The following LIN28B variants were observed in gnomAD, a reference collection of about 807,000 sequenced individuals.
LIN28B encodes lin-28 RNA binding posttranscriptional regulator B, also known as protein lin-28 homolog B.
LIN28B carries 5 observed loss-of-function variants against 21.9 expected under a neutral mutation model. The observed-to-expected ratio is 0.23, with a 90% confidence interval of 0.12 to 0.48. The LOEUF (loss-of-function observed/expected upper bound fraction) is 0.48, where lower values mean the gene tolerates loss of function less well. Ranked by LOEUF, LIN28B falls within the 20% of genes least tolerant of loss-of-function variation. The pLI is 0.98. For synonymous variants in LIN28B, 109 were observed against 111.3 expected (o/e 0.98, Z 0.13); for missense variants, 245 against 310.5 (o/e 0.79, Z 1.58).
At chr6:105,048,869 G>T (rs537319952) in intron 3 of LIN28B, among the ~76,000 whole-genome samples, 92 of 152,076 alleles carry the variant, frequency 6.0e-4, no homozygotes, top group East Asian at 4.4e-3. Flanking sequence ...GATATCCCCT[G>T]TATCATTTTT....
intron 3 of LIN28B, among the ~76,000 whole-genome samples, chr6:105,048,684 C>T (rs984043846): frequency 6.6e-6 from 1 of 152,180 alleles, no homozygotes; most frequent in Non-Finnish European, 1.5e-5. Flanking sequence ...ATTATTGCCT[C>T]AATCTCAGAT....
intron 3 of LIN28B, among the ~76,000 whole-genome samples, chr6:105,047,273 G>A (rs1273937394): frequency 6.6e-6 from 1 of 152,148 alleles, no homozygotes; most frequent in African/African-American, 2.4e-5. Flanking sequence ...ATTAAATAGG[G>A]AATCCTTTCC....
chr6:104,937,938 C>T (rs1285960331), intron 2 of LIN28B, among the ~76,000 whole-genome samples: 1 of 150,646 alleles, frequency 6.6e-6, no homozygotes, highest in African/African-American at 2.4e-5. Flanking sequence ...GCAGGCCAAG[C>T]ATGGTGGTTC....
chr6:105,023,699 A>G (rs1771225137), intron 2 of LIN28B, among the ~76,000 whole-genome samples: 1 of 111,012 alleles, frequency 9.0e-6, no homozygotes, highest in Non-Finnish European at 1.7e-5. Context: ...TGCCTTATGG[A>G]CTAATTTGGG....
chr6:105,003,476 A>G (rs940262845), intron 2 of LIN28B, among the ~76,000 whole-genome samples: 23 of 151,878 alleles, frequency 1.5e-4, no homozygotes, highest in African/African-American at 5.1e-4. Context: ...GTGAGATTAG[A>G]TCTCTCTCTC....
intron 2 of LIN28B, among the ~76,000 whole-genome samples, chr6:104,937,600 TA>T (rs1778025570): frequency 6.6e-6 from 1 of 152,150 alleles, no homozygotes; most frequent in Non-Finnish European, 1.5e-5. Context: ...TGTAGTATAA[TA>T]AATATAAAAG....
intron 3 of LIN28B, chr6:104,950,523 T>G: frequency 8.2e-7 from 1 of 1,218,952 alleles, no homozygotes; most frequent in South Asian, 4.2e-5. Flanking sequence ...AGTCTTTTTT[T>G]TTTTTTTTAA....
At chr6:104,988,436 ATTT>A (rs375793832) in intron 2 of LIN28B, among the ~76,000 whole-genome samples, 9 of 126,478 alleles carry the variant, frequency 7.1e-5, no homozygotes, top group Admixed American at 7.9e-5. Context: ...AAAGATTTGT[ATTT>A]TTTTTTTTTT....
At chr6:105,014,357 T>C (rs1032206302) in intron 2 of LIN28B, among the ~76,000 whole-genome samples, 3 of 152,234 alleles carry the variant, frequency 2.0e-5, no homozygotes, top group Non-Finnish European at 4.4e-5. Flanking sequence ...TTCACTCTTA[T>C]TGCCCAGGCT....
intron 3 of LIN28B, among the ~76,000 whole-genome samples, chr6:105,050,340 C>T (rs530051471): frequency 1.8e-3 from 269 of 151,854 alleles, no homozygotes; most frequent in Admixed American, 1.8e-3. Context: ...CGGTGGCTCA[C>T]GCCTGTAATC....
chr6:105,039,171 G>T (rs1001492188), intron 3 of LIN28B, among the ~76,000 whole-genome samples: 4 of 152,200 alleles, frequency 2.6e-5, no homozygotes, highest in Non-Finnish European at 4.4e-5. Context: ...CATGTAGTAA[G>T]AGTAACTTGT....
intron 3 of LIN28B, among the ~76,000 whole-genome samples, chr6:105,056,681 C>T (rs934474651): frequency 3.3e-5 from 5 of 152,156 alleles, no homozygotes; most frequent in Non-Finnish European, 7.4e-5. Context: ...TGCAACCTGG[C>T]CCTTAATTAC....
intron 2 of LIN28B, among the ~76,000 whole-genome samples, chr6:105,011,393 G>C (rs1253152910): frequency 1.3e-5 from 2 of 152,106 alleles, no homozygotes; most frequent in African/African-American, 4.8e-5. Flanking sequence ...ATTTCACCAT[G>C]TTGCCAGGTT....
At chr6:105,056,403 T>A (rs1390128656) in intron 3 of LIN28B, among the ~76,000 whole-genome samples, 1 of 152,128 alleles carries the variant, frequency 6.6e-6, no homozygotes. Flanking sequence ...TTATGGTAGA[T>A]CTATTTTCAT....
chr6:105,030,522 A>G (rs980810112), intron 3 of LIN28B, among the ~76,000 whole-genome samples: 7 of 146,208 alleles, frequency 4.8e-5, no homozygotes, highest in South Asian at 2.1e-4. Context: ...TCCTATTGCT[A>G]TTTTTTCTTG....
At chr6:105,045,238 T>C in intron 3 of LIN28B, among the ~76,000 whole-genome samples, 1 of 151,356 alleles carries the variant, frequency 6.6e-6, no homozygotes, top group Non-Finnish European at 1.5e-5. Context: ...TAATAATAAC[T>C]ATTATTATTT....
chr6:104,975,950 G>A (rs550747821), intron 2 of LIN28B, among the ~76,000 whole-genome samples: 1 of 150,702 alleles, frequency 6.6e-6, no homozygotes, highest in South Asian at 2.1e-4. Flanking sequence ...CCAAAGTGCT[G>A]AGATTACAGG....
intron 2 of LIN28B, among the ~76,000 whole-genome samples, chr6:104,998,307 A>G (rs1482218410): frequency 1.3e-5 from 2 of 152,206 alleles, no homozygotes; most frequent in Non-Finnish European, 2.9e-5. Context: ...TTCAACTAAA[A>G]GAGGGATGTA....
At chr6:105,026,521 GT>G in intron 3 of LIN28B, 39 bp downstream of exon 3, 1 of 1,325,112 alleles carries the variant, frequency 7.5e-7, no homozygotes, top group Non-Finnish European at 1.0e-6. Flanking sequence ...AGTTTATTGT[GT>G]TTGGAAAGGA....
Sources: gnomAD v4.1 joint callset for allele counts (sites outside exome capture counted in the v4.1 genomes callset) on GRCh38, gnomAD v4.1.1 for gene constraint, MANE v1.5 for transcripts, NCBI Gene and HGNC (gene_info 2026-07-23, HGNC 2026-07-21) for gene names.